Variants in DST observed in about 807,000 individuals in gnomAD.
DST encodes dystonin.
In DST, 253 loss-of-function variants were observed where a neutral mutation model predicts 875.2. The observed-to-expected ratio is 0.29, with a 90% CI of 0.26 to 0.32. The LOEUF is 0.32. DST is among the 10% of genes least tolerant of loss of function. The probability of loss-of-function intolerance (pLI) is 1.00; values close to 1 mark genes in which losing one functional copy is unlikely to be tolerated. For missense variants in DST, 8,287 were observed against 9,111.6 expected (o/e 0.91, Z 3.68); for synonymous variants, 3,124 against 3,197.1 (o/e 0.98, Z 0.77).
chr6:56,639,296 A>G lies in DST; in HGVS notation c.2927T>C (p.Leu976Pro), dbSNP rs773362961. 9 of 1,613,898 alleles carry G rather than the reference A, an allele frequency of 5.6e-6. No individual in the cohort carries two copies. Among genetic ancestry groups the G allele is most frequent in the Non-Finnish European group, 7.6e-6 (9 of 1,179,852 alleles). Reference sequence around the variant, plus strand: ...CCGGGCTGGATGATTTTCTAGAAGTAGCTGCTCTGCTATCTCCTGAACTGA... The same window carrying G: ...CCGGGCTGGATGATTTTCTAGAAGTGGCTGCTCTGCTATCTCCTGAACTGA... ...IKSVQEIAEQLLLENHPARLT... is the reference protein window; with the variant it reads ...IKSVQEIAEQPLLENHPARLT... Residue 976 changes from leucine to proline, a missense_variant, in exon 22 of 104, where the codon CTA (leucine) becomes CCA (proline). Physicochemically the swap from Leu to Pro is moderately conservative, Grantham distance 98. Coordinates refer to ENST00000680361, the MANE Select transcript of DST (RefSeq NM_001374736.1).
intron 89 of DST, 80 bp downstream of exon 89, chr6:56,482,603 C>A (rs536796300): frequency 8.2e-6 from 12 of 1,462,916 alleles, no homozygotes; most frequent in Non-Finnish European, 1.1e-5. Flanking sequence ...GAGGGCCTCA[C>A]AATTTTTTAC....
At chr6:56,581,490 A>T (rs1180736098) in intron 49 of DST, among the ~76,000 whole-genome samples, 1 of 152,206 alleles carries the variant, frequency 6.6e-6, no homozygotes, top group African/African-American at 2.4e-5. Flanking sequence ...GAATTTAATG[A>T]GTAGCAGTCC....
chr6:56,598,432 G>A (rs1473025045), intron 46 of DST, 44 bp downstream of exon 46: 8 of 1,189,522 alleles, frequency 6.7e-6, no homozygotes, highest in Non-Finnish European at 9.2e-6. Flanking sequence ...TAGCTGTTAA[G>A]CTTTTTGACA....
chr6:56,818,244 T>C (rs1340731322), intron 4 of DST, among the ~76,000 whole-genome samples: 3 of 152,196 alleles, frequency 2.0e-5, no homozygotes, highest in Non-Finnish European at 4.4e-5. Flanking sequence ...AATTTCCTTC[T>C]AGGGAAAAAT....
At chr6:56,941,984 C>T (rs527711148) in intron 2 of DST, among the ~76,000 whole-genome samples, 1 of 152,212 alleles carries the variant, frequency 6.6e-6, no homozygotes, top group South Asian at 2.1e-4. Context: ...TTATGTCATA[C>T]CTTTTGAGGT....
At chr6:56,929,643 T>C (rs1809101341) in intron 2 of DST, among the ~76,000 whole-genome samples, 1 of 152,170 alleles carries the variant, frequency 6.6e-6, no homozygotes, top group African/African-American at 2.4e-5. Context: ...CTTTGATTTT[T>C]GAATCACGTA....
intron 47 of DST, among the ~76,000 whole-genome samples, chr6:56,596,157 T>G (rs927047335): frequency 6.6e-6 from 1 of 152,014 alleles, no homozygotes; most frequent in Non-Finnish European, 1.5e-5. Context: ...GTCTCCCAAG[T>G]AGCTGGGATT....
At chr6:56,775,609 C>T (rs1251179454) in intron 4 of DST, among the ~76,000 whole-genome samples, 2 of 151,930 alleles carry the variant, frequency 1.3e-5, no homozygotes, top group Non-Finnish European at 2.9e-5. Flanking sequence ...AGGGCTAGGG[C>T]AGGAAATACA....
intron 4 of DST, among the ~76,000 whole-genome samples, chr6:56,767,030 C>CA (rs972961152): frequency 1.6e-4 from 24 of 151,736 alleles, no homozygotes; most frequent in African/African-American, 2.7e-4. Flanking sequence ...TGCAGCTTGT[C>CA]AAAAAAAATC....
At chr6:56,527,892 A>C (rs1584108279) in intron 67 of DST, among the ~76,000 whole-genome samples, 158 bp from the exon 68 acceptor site, 1 of 152,214 alleles carries the variant, frequency 6.6e-6, no homozygotes, top group East Asian at 1.9e-4. Context: ...TCTAAATTTT[A>C]ATCTTTCCCA....
intron 4 of DST, among the ~76,000 whole-genome samples, chr6:56,738,568 C>T (rs1159543294): frequency 6.6e-6 from 1 of 152,156 alleles, no homozygotes; most frequent in Non-Finnish European, 1.5e-5. Context: ...GATCGGCCCG[C>T]CTCAGCCTCC....
rs114020849 is a variant in DST at position 56,655,322 on chromosome 6, A to C, written c.1215-4078T>G. 4.4e-3 allele frequency among the ~76,000 whole-genome samples: 668 copies of C among 152,290 alleles called. 6 individuals carry two copies. The highest frequency in any genetic ancestry group is 0.015 in the African/African-American group (641 of 41,564). On this transcript the variant is annotated intron_variant, in intron 10 of 103. Transcript: ENST00000680361. ...AAACATGGCAGAGAGGACACTAATT[A>C]AAGTTAACTAAGAGAAAGAAAAATG... is the stretch of plus-strand genomic sequence containing the variant.
chr6:56,800,757 G>A (rs985155181), intron 4 of DST, among the ~76,000 whole-genome samples: 14 of 152,140 alleles, frequency 9.2e-5, no homozygotes, highest in African/African-American at 3.1e-4. Flanking sequence ...AGTGGCTCAC[G>A]CCTGTAATCC....
chr6:56,943,299 T>G (rs1817641594), intron 2 of DST, among the ~76,000 whole-genome samples: 1 of 152,134 alleles, frequency 6.6e-6, no homozygotes, highest in Admixed American at 6.5e-5. Context: ...TTCAGAATTA[T>G]TTTTAGATTA....
At chr6:56,766,321 C>G (rs1425471280) in intron 4 of DST, among the ~76,000 whole-genome samples, 1 of 152,144 alleles carries the variant, frequency 6.6e-6, no homozygotes, top group Non-Finnish European at 1.5e-5. Flanking sequence ...ACTGACAATG[C>G]ATTCTTTCAA....
At chr6:56,644,583 C>A (rs149610835) in intron 15 of DST, among the ~76,000 whole-genome samples, 3 of 152,030 alleles carry the variant, frequency 2.0e-5, no homozygotes, top group Non-Finnish European at 2.9e-5. Context: ...AAGCAATCAC[C>A]GAAATAAATA....
chr6:56,668,435 A>T (rs1283942251), intron 10 of DST, among the ~76,000 whole-genome samples: 1 of 152,132 alleles, frequency 6.6e-6, no homozygotes, highest in African/African-American at 2.4e-5. Context: ...ATTTTAAAAT[A>T]GGGGCCAGGC....
intron 5 of DST, among the ~76,000 whole-genome samples, chr6:56,706,029 G>T (rs959167266): frequency 6.6e-6 from 1 of 152,140 alleles, no homozygotes; most frequent in Non-Finnish European, 1.5e-5. Flanking sequence ...CTGTAAATAC[G>T]CCATGCTCAG....
intron 4 of DST, among the ~76,000 whole-genome samples, chr6:56,805,836 A>C (rs1021068944): frequency 9.2e-5 from 14 of 152,264 alleles, no homozygotes; most frequent in Admixed American, 3.9e-4. Flanking sequence ...ATACAATGTA[A>C]TGATTATTTG....
Sources: gnomAD v4.1 joint callset for allele counts (sites outside exome capture counted in the v4.1 genomes callset) on GRCh38, gnomAD v4.1.1 for gene constraint, MANE v1.5 for transcripts, NCBI Gene and HGNC (gene_info 2026-07-23, HGNC 2026-07-21) for gene names.